The following ADGRV1 variants were observed in gnomAD, a reference collection of about 807,000 sequenced individuals.
ADGRV1 encodes the protein G-protein coupled receptor 98.
Under a neutral mutation model 596.2 loss-of-function variants are expected in ADGRV1, and 359 were observed. The observed-to-expected ratio is 0.60, with a 90% CI of 0.55 to 0.66. The LOEUF is 0.66. Among genes scored for constraint, ADGRV1 ranks in the 30% least tolerant of loss-of-function variants. ADGRV1 has a pLI of 0.00. For synonymous variants in ADGRV1, 2,681 were observed against 2,679.2 expected (o/e 1.00, Z -0.02); for missense variants, 7,274 against 7,575.6 (o/e 0.96, Z 1.48).
intron 85 of ADGRV1, among the ~76,000 whole-genome samples, chr5:91,058,746 CAT>C (rs1320323210): frequency 1.4e-4 from 21 of 152,146 alleles, no homozygotes; most frequent in Middle Eastern, 3.2e-3. Flanking sequence ...CAGAAACACA[CAT>C]GAGTCATGAG....
At chr5:91,071,612 A>G (rs1204319845) in intron 85 of ADGRV1, among the ~76,000 whole-genome samples, 1 of 152,184 alleles carries the variant, frequency 6.6e-6, no homozygotes, top group Non-Finnish European at 1.5e-5. Context: ...ATTTCGGTTA[A>G]TCTTGACAAC....
At chr5:90,596,538 C>T (rs960266429) in intron 1 of ADGRV1, among the ~76,000 whole-genome samples, 5 of 152,090 alleles carry the variant, frequency 3.3e-5, no homozygotes, top group Non-Finnish European at 5.9e-5. Flanking sequence ...CTGCAATCCC[C>T]GCACCTCGGG....
intron 42 of ADGRV1, among the ~76,000 whole-genome samples, chr5:90,713,281 G>A (rs1413259791): frequency 6.6e-6 from 1 of 150,452 alleles, no homozygotes; most frequent in Non-Finnish European, 1.5e-5. Flanking sequence ...CCAAGGATTG[G>A]TTTTTACTTT....
chr5:91,125,285 A>G (rs945752578), intron 87 of ADGRV1, among the ~76,000 whole-genome samples: 31 of 152,222 alleles, frequency 2.0e-4, no homozygotes, highest in African/African-American at 7.2e-4. Context: ...GCGTACAAAC[A>G]GTGGTCTCTA....
chr5:91,056,078 C>T (rs953597018), intron 85 of ADGRV1, among the ~76,000 whole-genome samples: 4 of 152,038 alleles, frequency 2.6e-5, no homozygotes, highest in South Asian at 2.1e-4. Flanking sequence ...AGAGGTTAGG[C>T]GAATATGGCA....
At chr5:90,914,495 T>G (rs1773174837) in intron 83 of ADGRV1, among the ~76,000 whole-genome samples, 1 of 152,166 alleles carries the variant, frequency 6.6e-6, no homozygotes. Context: ...ACACAACTAT[T>G]AAGTGGAGAT....
chr5:90,718,360 C>T (rs1307176476), intron 43 of ADGRV1: 1 of 152,120 alleles, frequency 6.6e-6, no homozygotes, highest in African/African-American at 2.4e-5. Flanking sequence ...TATGTATATA[C>T]CGTAATTTTT....
At chr5:90,714,068 G>A (rs932290435) in intron 42 of ADGRV1, among the ~76,000 whole-genome samples, 1 of 152,126 alleles carries the variant, frequency 6.6e-6, no homozygotes, top group African/African-American at 2.4e-5. Context: ...TGCATGTTGA[G>A]TGAAAGGACT....
Position 90,935,614 on chromosome 5 carries a change from T to C in ADGRV1, c.17857-29801T>C, listed in dbSNP as rs546408101. Among the ~76,000 whole-genome samples, 3 of 152,332 alleles carry C rather than the reference T, an allele frequency of 2.0e-5. No homozygotes were observed. In the South Asian group the frequency reaches 6.2e-4, roughly 32 times the overall value. On this transcript the variant is annotated intron_variant, in intron 83 of 89. Transcript: ENST00000405460. ...GTGGCATGTGACTTTCTAATACTGC[T>C]TTTGTTGTTGTTGCTATTTAGTTCT...
intron 86 of ADGRV1, among the ~76,000 whole-genome samples, chr5:91,073,451 G>A (rs1299510236): frequency 6.6e-6 from 1 of 152,168 alleles, no homozygotes; most frequent in African/African-American, 2.4e-5. Flanking sequence ...TAAGCAAGTA[G>A]CATATATAAG....
chr5:90,679,757 T>C lies in ADGRV1; in HGVS notation c.5524+128T>C, dbSNP rs575720954. The C allele has an allele frequency of 7.7e-5, 45 of 580,974 alleles. No individual in the cohort carries two copies. In the African/African-American group the frequency reaches 7.9e-4, roughly 10 times the overall value. 36.0% of individuals were successfully genotyped at this position (580,974 alleles called of 1,614,324 possible). A position where few individuals can be genotyped will look rare whatever the true frequency, so the allele number is the denominator to read the frequency against. On this transcript the variant is annotated intron_variant, in intron 26 of 89. Transcript: ENST00000405460. Reference sequence around the variant, plus strand: ...CCTTTACATATTTTATCTTATTAACTGTCACAGAAACTTTATGAAGTATGA... The same window carrying C: ...CCTTTACATATTTTATCTTATTAACCGTCACAGAAACTTTATGAAGTATGA...
chr5:90,878,501 T>G (rs1050797324), intron 83 of ADGRV1, among the ~76,000 whole-genome samples: 2 of 152,192 alleles, frequency 1.3e-5, no homozygotes, highest in East Asian at 1.9e-4. Context: ...TTTTGTATGT[T>G]TGTGATTCCC....
At chr5:90,831,512 A>T (rs753802315) in intron 77 of ADGRV1, among the ~76,000 whole-genome samples, 1 of 152,178 alleles carries the variant, frequency 6.6e-6, no homozygotes, top group Admixed American at 6.6e-5. Context: ...TAATCACATC[A>T]GGATAAATGG....
chr5:90,597,028 G>A (rs1488238078), intron 1 of ADGRV1, among the ~76,000 whole-genome samples: 1 of 152,234 alleles, frequency 6.6e-6, no homozygotes, highest in Non-Finnish European at 1.5e-5. Flanking sequence ...TCACTATGTG[G>A]ACACAGGACA....
At chr5:90,708,972 T>TCA in intron 39 of ADGRV1, 63 bp downstream of exon 39, 1 of 1,116,972 alleles carries the variant, frequency 9.0e-7, no homozygotes, top group Non-Finnish European at 1.4e-6. Context: ...AAACTTCATT[T>TCA]TTGAATCAGA....
At chr5:90,671,325 T>G (rs1443800717) in intron 21 of ADGRV1, among the ~76,000 whole-genome samples, 2 of 152,196 alleles carry the variant, frequency 1.3e-5, no homozygotes, top group Admixed American at 6.5e-5. Flanking sequence ...GTTCTGGCAG[T>G]GGGGCTGGGG....
At chr5:90,751,777 A>G (rs2149953427) in intron 53 of ADGRV1, among the ~76,000 whole-genome samples, 1 of 152,294 alleles carries the variant, frequency 6.6e-6, no homozygotes, top group Middle Eastern at 3.4e-3. Context: ...AGGTTTCTGT[A>G]TTATTTCAAA....
chr5:91,118,869 G>T, intron 87 of ADGRV1, among the ~76,000 whole-genome samples: 1 of 151,992 alleles, frequency 6.6e-6, no homozygotes. Context: ...GTATCTCTGT[G>T]AACTCATAGG....
At chr5:90,668,518 C>T (rs1328996215) in intron 21 of ADGRV1, among the ~76,000 whole-genome samples, 1 of 151,986 alleles carries the variant, frequency 6.6e-6, no homozygotes. Context: ...TCTGGCACTC[C>T]CTAGTGAGAT....
Sources: allele counts gnomAD v4.1 joint callset (sites outside exome capture counted in the v4.1 genomes callset), GRCh38; gene constraint gnomAD v4.1.1; transcripts MANE v1.5; gene names NCBI Gene and HGNC (gene_info 2026-07-23, HGNC 2026-07-21).